Variants in ROBO1 observed in about 807,000 individuals in gnomAD.
The protein encoded by ROBO1 is roundabout homolog 1.
Under a neutral mutation model 195.9 loss-of-function variants are expected in ROBO1, and 149 were observed. That is an observed-to-expected ratio of 0.76 (90% CI 0.67 to 0.87). ROBO1 has a LOEUF of 0.87. ROBO1 is among the 40% of genes least tolerant of loss of function. The pLI is 0.00. For synonymous variants in ROBO1, 816 were observed against 733.2 expected, an observed-to-expected ratio of 1.11 and a Z score of -1.82; for missense variants, 1,933 against 2,068.3, an observed-to-expected ratio of 0.93 and a Z score of 1.27.
chr3:79,482,759 G>A (rs537807579), intron 2 of ROBO1, among the ~76,000 whole-genome samples: 17 of 152,288 alleles, frequency 1.1e-4, no homozygotes, highest in South Asian at 4.1e-4. Context: ...TCTAAGGACC[G>A]TGATAACCAT....
intron 4 of ROBO1, among the ~76,000 whole-genome samples, chr3:78,931,754 C>T (rs1286327998): frequency 6.6e-6 from 1 of 152,054 alleles, no homozygotes; most frequent in East Asian, 1.9e-4. Flanking sequence ...TCATTTGAGA[C>T]CAGGAGTTTG....
intron 2 of ROBO1, among the ~76,000 whole-genome samples, chr3:79,435,942 C>T (rs2038870492): frequency 6.6e-6 from 1 of 152,054 alleles, no homozygotes; most frequent in Non-Finnish European, 1.5e-5. Flanking sequence ...GCTGATCAAT[C>T]CTAAAATTTG....
At chr3:79,008,480 C>T (rs2077679463) in intron 3 of ROBO1, among the ~76,000 whole-genome samples, 1 of 151,712 alleles carries the variant, frequency 6.6e-6, no homozygotes, top group Non-Finnish European at 1.5e-5. Context: ...AATGGATGTA[C>T]TAAAATATAT....
intron 2 of ROBO1, among the ~76,000 whole-genome samples, chr3:79,283,036 G>T (rs934075775): frequency 6.6e-6 from 1 of 152,130 alleles, no homozygotes; most frequent in Non-Finnish European, 1.5e-5. Flanking sequence ...TGAAAATCTT[G>T]AACATGTGCT....
At chr3:79,543,933 A>G (rs1193352430) in intron 2 of ROBO1, among the ~76,000 whole-genome samples, 1 of 152,106 alleles carries the variant, frequency 6.6e-6, no homozygotes, top group African/African-American at 2.4e-5. Context: ...AGCTTAATGA[A>G]AGCAGAAATA....
chr3:79,352,381 T>A (rs756990271), intron 2 of ROBO1, among the ~76,000 whole-genome samples: 32 of 152,284 alleles, frequency 2.1e-4, no homozygotes, highest in South Asian at 6.2e-4. Context: ...CAGGTATCCA[T>A]CGCTCAGCTT....
chr3:79,387,716 A>G (rs2036805853), intron 2 of ROBO1, among the ~76,000 whole-genome samples: 1 of 152,168 alleles, frequency 6.6e-6, no homozygotes, highest in African/African-American at 2.4e-5. Context: ...GTGTAATGAA[A>G]GGTAGTAAAA....
rs564461791 is a variant in ROBO1 at position 78,812,587 on chromosome 3, T to C, written c.500-65687A>G. On this transcript the variant is annotated intron_variant, in intron 4 of 30. Coordinates refer to ENST00000464233, the MANE Select transcript of ROBO1 (RefSeq NM_002941.4). ...AATTCCTTATCCCCTCTTCCTGCTCTATTTTGCTTCTTCAGCATCTAACAT... is the reference window on the plus strand; with the variant it reads ...AATTCCTTATCCCCTCTTCCTGCTCCATTTTGCTTCTTCAGCATCTAACAT... Among the ~76,000 whole-genome samples, 35 of 152,244 alleles carry C rather than the reference T, an allele frequency of 2.3e-4. No individual in the cohort carries two copies. In the South Asian group the frequency reaches 7.2e-3, roughly 32 times the overall value.
intron 2 of ROBO1, among the ~76,000 whole-genome samples, chr3:79,202,393 G>C (rs2108781531): frequency 6.6e-6 from 1 of 151,996 alleles, no homozygotes; most frequent in East Asian, 1.9e-4. Context: ...ACATGAATCT[G>C]GATCAAATAT....
At chr3:78,865,322 T>C (rs907856391) in intron 4 of ROBO1, among the ~76,000 whole-genome samples, 2 of 152,206 alleles carry the variant, frequency 1.3e-5, no homozygotes, top group African/African-American at 4.8e-5. Context: ...ATTGTTTTGA[T>C]TTTTATCACA....
At chr3:79,286,399 C>T (rs1259124820) in intron 2 of ROBO1, among the ~76,000 whole-genome samples, 1 of 152,180 alleles carries the variant, frequency 6.6e-6, no homozygotes, top group Non-Finnish European at 1.5e-5. Context: ...CAATTGTTCA[C>T]ATTTTAAAGA....
chr3:78,695,295 T>C (rs1259445487), intron 8 of ROBO1, among the ~76,000 whole-genome samples: 2 of 152,158 alleles, frequency 1.3e-5, no homozygotes, highest in East Asian at 1.9e-4. Flanking sequence ...TTTAGGCTAA[T>C]GTATTTGCAT....
At chr3:79,038,066 T>C (rs984076146) in intron 3 of ROBO1, among the ~76,000 whole-genome samples, 7 of 152,184 alleles carry the variant, frequency 4.6e-5, no homozygotes, top group Admixed American at 3.3e-4. Context: ...TCTTAAACTT[T>C]ACAGCTCTTA....
chr3:78,760,800 C>T (rs1029238148), intron 4 of ROBO1, among the ~76,000 whole-genome samples: 3 of 151,492 alleles, frequency 2.0e-5, no homozygotes, highest in Non-Finnish European at 4.4e-5. Context: ...TGCTACTGTG[C>T]CCAGCCAAAT....
intron 1 of ROBO1, among the ~76,000 whole-genome samples, chr3:79,619,900 T>C (rs977994681): frequency 1.3e-5 from 2 of 152,196 alleles, no homozygotes; most frequent in Admixed American, 1.3e-4. Flanking sequence ...CAGGACTTAA[T>C]TAACCTCGCC....
At chr3:78,809,016 G>A (rs1262758341) in intron 4 of ROBO1, among the ~76,000 whole-genome samples, 3 of 152,106 alleles carry the variant, frequency 2.0e-5, no homozygotes, top group African/African-American at 4.8e-5. Flanking sequence ...TTAAACTAAA[G>A]AGCTTCTGCA....
intron 2 of ROBO1, among the ~76,000 whole-genome samples, chr3:79,450,921 TTTGTATAAATTAAC>T (rs2039422525): frequency 6.6e-6 from 1 of 151,956 alleles, no homozygotes; most frequent in African/African-American, 2.4e-5. Flanking sequence ...TGCTAGGTCT[TTTGTATAAATTAAC>T]TTGTATTTTC....
chr3:79,103,499 T>C (rs2108514842), intron 3 of ROBO1, among the ~76,000 whole-genome samples: 1 of 151,950 alleles, frequency 6.6e-6, no homozygotes, highest in South Asian at 2.1e-4. Context: ...TGGATGTTTT[T>C]TGTTGAGTAA....
chr3:79,510,143 C>T (rs1489546900), intron 2 of ROBO1, among the ~76,000 whole-genome samples: 1 of 152,114 alleles, frequency 6.6e-6, no homozygotes, highest in African/African-American at 2.4e-5. Flanking sequence ...TGTGTCCCCC[C>T]ACCACCAAAT....
Sources: gnomAD v4.1 joint callset for allele counts (sites outside exome capture counted in the v4.1 genomes callset) on GRCh38, gnomAD v4.1.1 for gene constraint, MANE v1.5 for transcripts, NCBI Gene and HGNC (gene_info 2026-07-23, HGNC 2026-07-21) for gene names.